CFAP44: variants seen among roughly 807,000 people sequenced by gnomAD.
The protein encoded by CFAP44 is cilia and flagella associated protein 44, also known as cilia- and flagella-associated protein 44.
In CFAP44, 134 loss-of-function variants were observed where a neutral mutation model predicts 216.2. The ratio of observed to expected loss-of-function variants is 0.62; its 90% CI spans 0.54 to 0.72. The LOEUF is 0.72. Ranked by LOEUF, CFAP44 falls within the 30% of genes least tolerant of loss-of-function variation. The pLI is 0.00. For missense variants in CFAP44, 2,035 were observed against 2,182.1 expected (o/e 0.93, Z 1.34); for synonymous variants, 700 against 727.6 (o/e 0.96, Z 0.61).
chr3:113,408,655 A>G (rs1464514789), intron 7 of CFAP44, among the ~76,000 whole-genome samples: 1 of 152,190 alleles, frequency 6.6e-6, no homozygotes, highest in Non-Finnish European at 1.5e-5. Context: ...ACATGAGGTC[A>G]GGAGTTCGAG....
rs531932133 is a variant in CFAP44 at position 113,427,135 on chromosome 3, G to T, written c.253+52C>A. 125 of 1,558,128 alleles carry T rather than the reference G, an allele frequency of 8.0e-5. No homozygotes were observed. In the South Asian group the frequency reaches 1.4e-3, roughly 17 times the overall value. On this transcript the variant is annotated intron_variant, in intron 3 of 34. Transcript: ENST00000393845. ...ATTTATAACTCTTCCATTTGTCTGG[G>T]CTTTGTCTCTAAAACAGTGACAATT...
intron 5 of CFAP44, 21 bp from the exon 6 acceptor site, chr3:113,416,648 C>G: frequency 1.3e-6 from 2 of 1,532,010 alleles, no homozygotes; most frequent in Non-Finnish European, 8.9e-7. Context: ...TAAAATTTCA[C>G]CAAAATATTA....
intron 2 of CFAP44, among the ~76,000 whole-genome samples, chr3:113,431,394 G>C (rs1431852848): frequency 6.6e-6 from 1 of 152,076 alleles, no homozygotes; most frequent in Non-Finnish European, 1.5e-5. Context: ...CTAGACAAAG[G>C]GTCATTATCA....
rs773747189 is a variant in CFAP44, at chr3:113,409,126, T to C, written c.870A>G (p.Thr290=). The C allele has an allele frequency of 8.7e-6, 14 of 1,613,502 alleles. No individual in the cohort carries two copies. The highest frequency in any genetic ancestry group is 1.7e-4 in the Middle Eastern group (1 of 6,030). Residue 290 remains threonine (T), a synonymous_variant, in exon 7 of 35, where the codon ACA becomes ACG. Coordinates refer to ENST00000393845, the MANE Select transcript of CFAP44 (RefSeq NM_001164496.2). The part of the protein sequence containing the change: ...FNPDKEEQLT[T]SGSGHIKFWE... ...CCTACTTGATGTGGCCTGATCCCGA[T>C]GTAGTAAGCTGCTCTTCCTTATCAG...
intron 6 of CFAP44, among the ~76,000 whole-genome samples, chr3:113,411,829 T>C (rs1224380986): frequency 6.6e-6 from 1 of 152,170 alleles, no homozygotes; most frequent in Non-Finnish European, 1.5e-5. Context: ...GAGCAGTGGT[T>C]TGTAGTTCTC....
At chr3:113,378,460 GA>G (rs1484980854) in intron 17 of CFAP44, among the ~76,000 whole-genome samples, 1 of 152,094 alleles carries the variant, frequency 6.6e-6, no homozygotes, top group Non-Finnish European at 1.5e-5. Context: ...AGGAAAAGTT[GA>G]GGAGGGAAAA....
At position 113,333,484 on chromosome 3, in the gene CFAP44, G is replaced by A. The variant is rs1253072051; in HGVS notation, c.3537C>T (p.Ala1179=). The A allele has an allele frequency of 3.9e-6, 6 of 1,536,750 alleles. No individual in the cohort carries two copies. The highest frequency in any genetic ancestry group is 3.9e-5 in the Admixed American group (2 of 50,942). ...VYMGDFNLKT[A]PDYKIPEHMR... is the part of the protein sequence containing the mutation. Reference sequence around the variant, plus strand: ...TGTGCTCAGGTATCTTGTAGTCTGGGGCTGTCTTCAGATTGAAATCTCCCA... The same window carrying A: ...TGTGCTCAGGTATCTTGTAGTCTGGAGCTGTCTTCAGATTGAAATCTCCCA... The change falls in exon 25 of 35, where the codon GCC becomes GCT. Residue 1179 remains alanine, a synonymous_variant. Transcript: ENST00000393845.
chr3:113,367,261 A>G (rs1932976918), intron 18 of CFAP44, among the ~76,000 whole-genome samples: 1 of 152,218 alleles, frequency 6.6e-6, no homozygotes, highest in Non-Finnish European at 1.5e-5. Context: ...TGCCTCCTCA[A>G]GTGGGTCCCT....
Position 113,327,663 on chromosome 3 carries a change from G to A in CFAP44, c.4273C>T (p.Leu1425Phe). ...TCTAAGGAATTAACACGTTCTTGAAGTATGTTCTCCTGTTTTTCAAAATTC... is the reference window on the plus strand; with the variant it reads ...TCTAAGGAATTAACACGTTCTTGAAATATGTTCTCCTGTTTTTCAAAATTC... ...LKNFEKQENI[L>F]QERVNSLDKE... Residue 1425 changes from leucine to phenylalanine, a missense_variant, in exon 27 of 35, where the codon CTT (leucine) becomes TTT (phenylalanine). Leu to Phe is a conservative substitution (Grantham distance 22). Transcript: ENST00000393845. 1 of 1,536,972 alleles carries A rather than the reference G, an allele frequency of 6.5e-7. No homozygotes were observed. Among genetic ancestry groups the A allele is most frequent in the Non-Finnish European group, 8.7e-7 (1 of 1,146,694 alleles).
chr3:113,288,932 A>C lies in CFAP44; in HGVS notation c.*2625T>G, dbSNP rs1949801957. On this transcript the variant is annotated 3_prime_UTR_variant, in exon 35 of 35. Transcript: ENST00000393845. ...GATACTATGGATGACAGTTCAGAAG[A>C]GCCAAGTTATATGAACAATTGACCC... The C allele has an allele frequency of 6.6e-6, 1 of 152,234 alleles. No homozygotes were observed. The allele number at this position is 152,234 out of a possible 1,614,324, so 9.4% of individuals were successfully genotyped here. A position where few individuals can be genotyped will look rare whatever the true frequency, so the allele number is the denominator to read the frequency against.
chr3:113,303,994 G>T lies in CFAP44; in HGVS notation c.4999C>A (p.Gln1667Lys). Reference sequence around the variant, plus strand: ...TCTCTCCATTCTTTGTTAAGTTTTTGCTGCTTGGAATTTTCCTCCTGGAGC... The same window carrying T: ...TCTCTCCATTCTTTGTTAAGTTTTTTCTGCTTGGAATTTTCCTCCTGGAGC... Reference protein sequence around the residue: ...HELQEENSKQQKLNKEWRERR... With the variant: ...HELQEENSKQKKLNKEWRERR... Residue 1667 changes from glutamine to lysine, a missense_variant, in exon 32 of 35, where the codon CAA becomes AAA. This residue lies in a region of CFAP44 where 1,883 missense variants were observed against 2,023.7 expected (regional missense o/e 0.93). Coordinates refer to ENST00000393845, the MANE Select transcript of CFAP44 (RefSeq NM_001164496.2). 5 of 1,537,524 alleles carry T rather than the reference G, an allele frequency of 3.3e-6. No homozygotes were observed. Among genetic ancestry groups the T allele is most frequent in the Non-Finnish European group, 4.4e-6 (5 of 1,146,998 alleles).
chr3:113,418,329 C>T (rs1386649181), intron 5 of CFAP44, among the ~76,000 whole-genome samples: 5 of 152,190 alleles, frequency 3.3e-5, no homozygotes, highest in Admixed American at 3.3e-4. Context: ...TCAAGTGATC[C>T]ACCCACCTCA....
chr3:113,429,127 T>C (rs1456936505), intron 2 of CFAP44: 1 of 151,914 alleles, frequency 6.6e-6, no homozygotes, highest in Admixed American at 6.6e-5. Flanking sequence ...TTAAAAAGAG[T>C]TCAGCATGGT....
chr3:113,372,860 C>G (rs1933216500), intron 18 of CFAP44, among the ~76,000 whole-genome samples: 2 of 152,132 alleles, frequency 1.3e-5, no homozygotes, highest in Admixed American at 6.5e-5. Flanking sequence ...AGAAACCAAC[C>G]TGCTGACACC....
At chr3:113,337,294 G>GA (rs1950289497) in intron 24 of CFAP44, among the ~76,000 whole-genome samples, 1 of 151,868 alleles carries the variant, frequency 6.6e-6, no homozygotes, top group South Asian at 2.1e-4. Context: ...AAACACTGAT[G>GA]AAAGAAATCA....
intron 28 of CFAP44, among the ~76,000 whole-genome samples, chr3:113,319,354 T>A (rs1239308309): frequency 6.6e-6 from 1 of 152,184 alleles, no homozygotes; most frequent in Non-Finnish European, 1.5e-5. Flanking sequence ...CATCACATAA[T>A]GATAAAGAGT....
intron 28 of CFAP44, among the ~76,000 whole-genome samples, chr3:113,322,994 G>A (rs1950158413): frequency 6.6e-6 from 1 of 152,230 alleles, no homozygotes. Context: ...GAAGTTGGCG[G>A]CGGGGAAGCC....
At position 113,327,704 on chromosome 3, in the gene CFAP44, T is replaced by C. The variant is rs1950200320; in HGVS notation, c.4232A>G (p.Glu1411Gly). 6.5e-7 allele frequency: 1 copy of C among 1,536,942 alleles called. No homozygotes were observed. Among genetic ancestry groups the C allele is most frequent in the South Asian group, 1.2e-5 (1 of 84,054 alleles). ...TTCAAAATTCTTCAGGAGAAGTATT[T>C]CTTGAAATAAGGTGACATGGTGCAG... is the stretch of plus-strand genomic sequence containing the variant. ...SDLHHVTLFQ[E>G]ILLLKNFEKQ... is the part of the protein sequence containing the mutation. Residue 1411 changes from glutamate (E) to glycine (G), a missense_variant, in exon 27 of 35, where the codon GAA (glutamate) becomes GGA (glycine). By Grantham distance (98) the Glu-to-Gly change is moderately conservative (BLOSUM62 -2). This residue lies in a region of CFAP44 where 1,883 missense variants were observed against 2,023.7 expected (regional missense o/e 0.93). Coordinates refer to ENST00000393845, the MANE Select transcript of CFAP44 (RefSeq NM_001164496.2).
At chr3:113,352,489 C>G (rs983468871) in intron 22 of CFAP44, among the ~76,000 whole-genome samples, 1 of 152,134 alleles carries the variant, frequency 6.6e-6, no homozygotes, top group African/African-American at 2.4e-5. Flanking sequence ...GGAACCAACT[C>G]CAAACACAAC....
Sources: gnomAD v4.1 joint callset for allele counts (sites outside exome capture counted in the v4.1 genomes callset) on GRCh38, gnomAD v4.1.1 for gene constraint, gnomAD v4.1.1 regional missense constraint, MANE v1.5 for transcripts, NCBI Gene and HGNC (gene_info 2026-07-23, HGNC 2026-07-21) for gene names.